NKAIN2: variants seen among roughly 807,000 people sequenced by gnomAD.
NKAIN2 encodes the protein sodium/potassium transporting ATPase interacting 2.
A neutral mutation model predicts 32.6 loss-of-function variants in NKAIN2; 14 were observed. The observed-to-expected ratio is 0.43, with a 90% CI of 0.28 to 0.67. NKAIN2 has a LOEUF of 0.67. Ranked by LOEUF, NKAIN2 falls within the 30% of genes least tolerant of loss-of-function variation. The pLI is 0.17. For missense variants in NKAIN2, 198 were observed against 258.3 expected (o/e 0.77, Z 1.60); for synonymous variants, 80 against 87.2 (o/e 0.92, Z 0.46).
At chr6:124,684,816 G>GCAAAC (rs995305053) in intron 4 of NKAIN2, among the ~76,000 whole-genome samples, 1 of 152,100 alleles carries the variant, frequency 6.6e-6, no homozygotes, top group African/African-American at 2.4e-5. Context: ...AATAACAATA[G>GCAAAC]CAAACCACCC....
intron 1 of NKAIN2, among the ~76,000 whole-genome samples, chr6:123,919,310 G>C (rs555018660): frequency 1.3e-5 from 2 of 151,990 alleles, no homozygotes; most frequent in Admixed American, 1.3e-4. Flanking sequence ...GAAAAGTTTA[G>C]AGCTGTTTAT....
At chr6:124,482,134 T>G (rs1406022603) in intron 3 of NKAIN2, among the ~76,000 whole-genome samples, 1 of 152,172 alleles carries the variant, frequency 6.6e-6, no homozygotes, top group Non-Finnish European at 1.5e-5. Context: ...CAAATTAAAC[T>G]GGCTGAGTTA....
chr6:123,888,383 A>G (rs1194715747), intron 1 of NKAIN2, among the ~76,000 whole-genome samples: 2 of 152,084 alleles, frequency 1.3e-5, no homozygotes, highest in Admixed American at 6.6e-5. Flanking sequence ...TTTTGAATTG[A>G]TGGTTTTTAA....
At chr6:124,202,540 C>T (rs1467369282) in intron 1 of NKAIN2, among the ~76,000 whole-genome samples, 1 of 151,910 alleles carries the variant, frequency 6.6e-6, no homozygotes, top group Non-Finnish European at 1.5e-5. Context: ...GGAGAGGCCA[C>T]ATCCTGAGGG....
At chr6:123,934,599 GC>G (rs1219342935) in intron 1 of NKAIN2, among the ~76,000 whole-genome samples, 3 of 151,884 alleles carry the variant, frequency 2.0e-5, no homozygotes, top group African/African-American at 7.3e-5. Context: ...TTCTGTTGAG[GC>G]TTAAAATGGC....
intron 1 of NKAIN2, among the ~76,000 whole-genome samples, chr6:124,217,183 A>T (rs934458881): frequency 1.3e-5 from 2 of 152,138 alleles, no homozygotes; most frequent in Non-Finnish European, 2.9e-5. Context: ...AGGAAAAACA[A>T]CTCAGTACTT....
intron 4 of NKAIN2, among the ~76,000 whole-genome samples, chr6:124,762,508 C>A (rs754669642): frequency 6.6e-6 from 1 of 151,982 alleles, no homozygotes; most frequent in Admixed American, 6.6e-5. Context: ...AAAATATAGT[C>A]ATAAAAGTAT....
At chr6:124,792,956 C>G (rs1209018804) in intron 5 of NKAIN2, among the ~76,000 whole-genome samples, 1 of 151,792 alleles carries the variant, frequency 6.6e-6, no homozygotes, top group Non-Finnish European at 1.5e-5. Context: ...CAAAAATGTA[C>G]TTTAGAAAAA....
intron 1 of NKAIN2, among the ~76,000 whole-genome samples, chr6:123,881,558 C>G (rs1237861300): frequency 6.6e-6 from 1 of 152,074 alleles, no homozygotes; most frequent in Non-Finnish European, 1.5e-5. Flanking sequence ...GATGTATTAG[C>G]CAATGGATCG....
chr6:124,365,794 G>A (rs950642567), intron 3 of NKAIN2, among the ~76,000 whole-genome samples: 1 of 151,980 alleles, frequency 6.6e-6, no homozygotes, highest in Non-Finnish European at 1.5e-5. Context: ...AGAATGATTT[G>A]CAATTATTCA....
At position 124,134,113 on chromosome 6, in the gene NKAIN2, C is replaced by T. The variant is rs1011320294; in HGVS notation, c.55-148892C>T. The stretch of plus-strand genomic sequence containing the variant: ...ATACCAAGAAAAAGGTGAAAACCAA[C>T]TAAAAGAAATTAAAAAAAAAAAAAT... On this transcript the variant is annotated intron_variant, in intron 1 of 6. Transcript: ENST00000368417. Among the ~76,000 whole-genome samples the T allele has an allele frequency of 1.0e-4, 12 of 120,260 alleles. No homozygotes were observed. In the Admixed American group the frequency reaches 1.1e-3, roughly 11 times the overall value. The allele number at this position is 120,260 out of a possible 152,430, so 78.9% of individuals were successfully genotyped here. A position where few individuals can be genotyped will look rare whatever the true frequency, so the allele number is the denominator to read the frequency against.
At chr6:123,981,472 A>C (rs1356780084) in intron 1 of NKAIN2, among the ~76,000 whole-genome samples, 1 of 152,138 alleles carries the variant, frequency 6.6e-6, no homozygotes, top group African/African-American at 2.4e-5. Flanking sequence ...TTGGCTTTGC[A>C]TAGATCCCCT....
chr6:123,881,597 A>G (rs1773454697), intron 1 of NKAIN2, among the ~76,000 whole-genome samples: 1 of 152,202 alleles, frequency 6.6e-6, no homozygotes, highest in African/African-American at 2.4e-5. Context: ...TTCCATTCTT[A>G]AGGAACTGTT....
chr6:124,355,309 G>A lies in NKAIN2; in HGVS notation c.235G>A (p.Val79Ile), dbSNP rs1562509939. The A allele has an allele frequency of 1.2e-6, 2 of 1,611,250 alleles. No individual in the cohort carries two copies. Among genetic ancestry groups the A allele is most frequent in the South Asian group, 1.1e-5 (1 of 91,022 alleles). Residue 79 changes from valine (V) to isoleucine (I), a missense_variant, in exon 3 of 7, where the codon GTT becomes ATT. Transcript: ENST00000368417. Reference sequence around the variant, plus strand: ...CCTCTGGGTTACGTGGAATGTGTTTGTTATCTGCTTCTATTTGGAGGCTGG... The same window carrying A: ...CCTCTGGGTTACGTGGAATGTGTTTATTATCTGCTTCTATTTGGAGGCTGG... ...LVLWVTWNVF[V>I]ICFYLEAGDL...
intron 3 of NKAIN2, among the ~76,000 whole-genome samples, chr6:124,591,927 G>A (rs1239687845): frequency 6.6e-6 from 1 of 152,128 alleles, no homozygotes; most frequent in African/African-American, 2.4e-5. Flanking sequence ...TGTGGTCTCA[G>A]GTAGTCCTAA....
At chr6:124,158,445 C>T (rs999339160) in intron 1 of NKAIN2, among the ~76,000 whole-genome samples, 1 of 152,010 alleles carries the variant, frequency 6.6e-6, no homozygotes, top group African/African-American at 2.4e-5. Context: ...AAAAGTGGAA[C>T]GAAGCAAATT....
chr6:124,496,470 A>C (rs1322414669), intron 3 of NKAIN2, among the ~76,000 whole-genome samples: 1 of 152,174 alleles, frequency 6.6e-6, no homozygotes, highest in Non-Finnish European at 1.5e-5. Flanking sequence ...CAGAGAGTTA[A>C]AATCATGTGC....
At chr6:124,735,405 A>C (rs542676855) in intron 4 of NKAIN2, among the ~76,000 whole-genome samples, 1 of 152,130 alleles carries the variant, frequency 6.6e-6, no homozygotes, top group East Asian at 1.9e-4. Flanking sequence ...GATTTTGAGC[A>C]CAGAATAATT....
intron 3 of NKAIN2, among the ~76,000 whole-genome samples, chr6:124,628,815 T>A (rs1783453422): frequency 1.3e-5 from 2 of 152,078 alleles, no homozygotes; most frequent in Non-Finnish European, 2.9e-5. Context: ...TTCTGTTGAG[T>A]TGTATATCTT....
Sources: gnomAD v4.1 joint callset for allele counts (sites outside exome capture counted in the v4.1 genomes callset) on GRCh38, gnomAD v4.1.1 for gene constraint, MANE v1.5 for transcripts, NCBI Gene and HGNC (gene_info 2026-07-23, HGNC 2026-07-21) for gene names.